The following ANXA3 variants were observed in gnomAD, a reference collection of about 807,000 sequenced individuals.
ANXA3 encodes the protein annexin A3, also known as 35-alpha calcimedin.
ANXA3 carries 46 observed loss-of-function variants against 48.8 expected under a neutral mutation model. The observed-to-expected ratio is 0.94, with a 90% CI of 0.74 to 1.21. The LOEUF is 1.21. Among genes scored for constraint, ANXA3 ranks in the 50% most tolerant of loss-of-function variants. The pLI is 0.00. For synonymous variants in ANXA3, 128 were observed against 134.7 expected (o/e 0.95, Z 0.35); for missense variants, 383 against 378.6 (o/e 1.01, Z -0.10).
At chr4:78,576,191 A>G (rs76672276) in intron 3 of ANXA3, among the ~76,000 whole-genome samples, 1,767 of 152,336 alleles carry the variant, frequency 0.012, 18 homozygotes, top group Admixed American at 0.02. Context: ...GTCAAATTCA[A>G]TAAATATACT....
intron 9 of ANXA3, 87 bp downstream of exon 9, chr4:78,595,974 A>C: frequency 1.1e-6 from 1 of 902,012 alleles, no homozygotes; most frequent in Non-Finnish European, 1.7e-6. Flanking sequence ...AGAAAAACGA[A>C]GTTTAAAATT....
chr4:78,584,558 T>C (rs1010657388), intron 5 of ANXA3, among the ~76,000 whole-genome samples: 1 of 152,176 alleles, frequency 6.6e-6, no homozygotes, highest in Non-Finnish European at 1.5e-5. Flanking sequence ...GGGAACCTCA[T>C]TGGTCTTGGC....
intron 1 of ANXA3, chr4:78,553,961 C>A (rs1722455765): frequency 6.4e-6 from 1 of 155,858 alleles, no homozygotes; most frequent in Admixed American, 6.3e-5. Context: ...AGACTGTAGG[C>A]TTGGAGCCTT....
intron 11 of ANXA3, 77 bp downstream of exon 11, chr4:78,601,645 A>G (rs1723545573): frequency 8.4e-7 from 1 of 1,185,610 alleles, no homozygotes; most frequent in Admixed American, 1.9e-5. Flanking sequence ...TAGAACAAAT[A>G]TTTAAAAATT....
intron 6 of ANXA3, among the ~76,000 whole-genome samples, chr4:78,586,608 C>T (rs905631588): frequency 3.9e-5 from 6 of 152,138 alleles, no homozygotes; most frequent in African/African-American, 1.4e-4. Flanking sequence ...ATTTTGCTCT[C>T]GGCAATCTCT....
intron 7 of ANXA3, among the ~76,000 whole-genome samples, chr4:78,593,147 A>ACACACC (rs1553901087): frequency 6.9e-6 from 1 of 145,818 alleles, no homozygotes; most frequent in Non-Finnish European, 1.5e-5. Context: ...ACACACACAC[A>ACACACC]CACACCACTT....
intron 8 of ANXA3, 53 bp from the exon 9 acceptor site, chr4:78,595,741 C>T (rs1723410237): frequency 1.8e-6 from 2 of 1,119,946 alleles, no homozygotes; most frequent in South Asian, 2.6e-5. Context: ...CTTCTCATGT[C>T]ACCTCTCAAA....
At chr4:78,572,941 C>T (rs1722868553) in intron 2 of ANXA3, 2 of 598,712 alleles carry the variant, frequency 3.3e-6, no homozygotes, top group Non-Finnish European at 6.2e-6. Flanking sequence ...GCCCCACACC[C>T]AGGAATGAGC....
rs571641720 is a variant in ANXA3, at chr4:78,575,438, T to G, written c.103+2171T>G. Among the ~76,000 whole-genome samples the G allele has an allele frequency of 2.6e-5, 4 of 152,300 alleles. No homozygotes were observed. In the South Asian group the frequency reaches 8.3e-4, roughly 32 times the overall value. On this transcript the variant is annotated intron_variant, in intron 3 of 12. Transcript: ENST00000264908. Reference sequence around the variant, plus strand: ...GATGACTGAATCATGGGGACAGGTCTTTCCCGTGCTGTTCTCATGATAGTG... The same window carrying G: ...GATGACTGAATCATGGGGACAGGTCGTTCCCGTGCTGTTCTCATGATAGTG...
In ANXA3 at chr4:78,582,158, CT is replaced by C. The variant is rs760361287; in HGVS notation, c.199-17del. Reference sequence around the variant, plus strand: ...AAAAAAAGTATTTCACATTTTTCCCCTTGGTTTTTTGATTTTAGGAGCTGAA... The same window carrying C: ...AAAAAAAGTATTTCACATTTTTCCCCTGGTTTTTTGATTTTAGGAGCTGAA... On this transcript the variant is annotated intron_variant, in intron 4 of 12. Coordinates refer to ENST00000264908, the MANE Select transcript of ANXA3 (RefSeq NM_005139.3). 2.6e-6 allele frequency: 4 copies of C among 1,541,998 alleles called. No homozygotes were observed. The Admixed American group carries it at 5.3e-5, about 20-fold the overall frequency.
chr4:78,592,208 G>A (rs908396788), intron 7 of ANXA3, among the ~76,000 whole-genome samples: 1 of 152,194 alleles, frequency 6.6e-6, no homozygotes, highest in Non-Finnish European at 1.5e-5. Context: ...GAAGGCTTAT[G>A]ACTTTTATTA....
At chr4:78,593,448 C>T (rs891661905) in intron 7 of ANXA3, among the ~76,000 whole-genome samples, 7 of 151,452 alleles carry the variant, frequency 4.6e-5, no homozygotes, top group Non-Finnish European at 8.8e-5. Context: ...TCAATCCACC[C>T]GCCTCAGCCT....
rs565906562 is a variant in ANXA3, at chr4:78,570,015, G to A, written c.16-3165G>A. Among the ~76,000 whole-genome samples the A allele has an allele frequency of 2.0e-5, 3 of 152,316 alleles. No homozygotes were observed. In the East Asian group the frequency reaches 5.8e-4, roughly 29 times the overall value. ...TAAAAGATTTCATTAATCTTTGATT[G>A]TAAGATTATTTTGTAAGTCATGTAA... On this transcript the variant is annotated intron_variant, in intron 2 of 12. Transcript: ENST00000264908.
chr4:78,609,457 A>G (rs1473137950), intron 12 of ANXA3, among the ~76,000 whole-genome samples: 3 of 152,206 alleles, frequency 2.0e-5, no homozygotes, highest in African/African-American at 7.2e-5. Context: ...GCCTTGGGAA[A>G]AGGAACTGAT....
chr4:78,568,370 T>A (rs1250417793), intron 2 of ANXA3, among the ~76,000 whole-genome samples: 1 of 152,216 alleles, frequency 6.6e-6, no homozygotes, highest in Non-Finnish European at 1.5e-5. Flanking sequence ...CAACATAGCA[T>A]CTTGACATTG....
chr4:78,568,701 C>T (rs1028771984), intron 2 of ANXA3, among the ~76,000 whole-genome samples: 1 of 152,214 alleles, frequency 6.6e-6, no homozygotes, highest in African/African-American at 2.4e-5. Flanking sequence ...GTACAACTGG[C>T]TTTTGTGAGT....
chr4:78,594,253 T>C (rs1723367640), intron 7 of ANXA3, among the ~76,000 whole-genome samples: 1 of 152,218 alleles, frequency 6.6e-6, no homozygotes, highest in South Asian at 2.1e-4. Flanking sequence ...TAGTACTGAG[T>C]AGTATTCCAT....
chr4:78,561,549 T>G (rs764610944), intron 2 of ANXA3, among the ~76,000 whole-genome samples: 8 of 152,174 alleles, frequency 5.3e-5, no homozygotes, highest in Non-Finnish European at 8.8e-5. Context: ...GACCTTTCTT[T>G]CCTGATGTGA....
chr4:78,562,536 T>A (rs1722647259), intron 2 of ANXA3, among the ~76,000 whole-genome samples: 1 of 152,222 alleles, frequency 6.6e-6, no homozygotes, highest in South Asian at 2.1e-4. Flanking sequence ...TGAGAATTAT[T>A]GAAAGAAACA....
Sources: allele counts gnomAD v4.1 joint callset (sites outside exome capture counted in the v4.1 genomes callset), GRCh38; gene constraint gnomAD v4.1.1; transcripts MANE v1.5; gene names NCBI Gene and HGNC (gene_info 2026-07-23, HGNC 2026-07-21).